TNIK: variants seen among roughly 807,000 people sequenced by gnomAD.
TNIK encodes the protein TRAF2 and NCK interacting kinase.
A neutral mutation model predicts 191.3 loss-of-function variants in TNIK; 49 were observed. The observed-to-expected ratio is 0.26, with a 90% CI of 0.20 to 0.32. The LOEUF is 0.32. TNIK is among the 10% of genes least tolerant of loss of function. TNIK has a pLI of 1.00. For missense variants in TNIK, 1,155 were observed against 1,702.3 expected (o/e 0.68, Z 5.66); for synonymous variants, 594 against 600.9 (o/e 0.99, Z 0.17).
chr3:171,330,558 G>A (rs1338672812), intron 2 of TNIK, among the ~76,000 whole-genome samples: 1 of 152,168 alleles, frequency 6.6e-6, no homozygotes, highest in African/African-American at 2.4e-5. Flanking sequence ...TAACAAAAGA[G>A]TAGGGGGTTG....
chr3:171,085,402 T>C (rs1200585839), intron 24 of TNIK, among the ~76,000 whole-genome samples, 173 bp from the exon 25 acceptor site: 2 of 152,214 alleles, frequency 1.3e-5, no homozygotes, highest in Non-Finnish European at 2.9e-5. Flanking sequence ...CTGGTATTGG[T>C]TACTCACTAG....
At chr3:171,349,038 G>A (rs1040060769) in intron 2 of TNIK, among the ~76,000 whole-genome samples, 62 of 143,660 alleles carry the variant, frequency 4.3e-4, no homozygotes, top group African/African-American at 1.4e-3. Context: ...AAAAAAAAAA[G>A]AGGTTGGTAT....
chr3:171,403,336 C>T (rs976573738), intron 1 of TNIK, among the ~76,000 whole-genome samples: 2 of 151,332 alleles, frequency 1.3e-5, no homozygotes, highest in Non-Finnish European at 2.9e-5. Context: ...GGTGAATGGC[C>T]GGGCACGGTG....
At chr3:171,345,609 A>T (rs914659193) in intron 2 of TNIK, among the ~76,000 whole-genome samples, 36 of 152,184 alleles carry the variant, frequency 2.4e-4, no homozygotes, top group African/African-American at 8.7e-4. Flanking sequence ...CTTCACCCTC[A>T]CCCTCAAGCC....
At chr3:171,090,818 G>A (rs1307697292) in intron 23 of TNIK, among the ~76,000 whole-genome samples, 2 of 152,112 alleles carry the variant, frequency 1.3e-5, no homozygotes, top group Admixed American at 1.3e-4. Flanking sequence ...CACTACAAGG[G>A]GAAATTTGTG....
intron 2 of TNIK, chr3:171,347,028 CAT>C: frequency 1.9e-6 from 2 of 1,051,708 alleles, no homozygotes; most frequent in Admixed American, 2.8e-5. Context: ...TGCAGGCGTT[CAT>C]ATGAGAGATG....
chr3:171,123,617 C>T lies in TNIK; in HGVS notation c.2099G>A (p.Gly700Glu), dbSNP rs1438536076. 1 of 1,568,322 alleles carries T rather than the reference C, an allele frequency of 6.4e-7. No homozygotes were observed. Among genetic ancestry groups the T allele is most frequent in the Non-Finnish European group, 8.7e-7 (1 of 1,154,452 alleles). The change falls in exon 18 of 33, where the codon GGA becomes GAA. Residue 700 changes from glycine to glutamate, a missense_variant. Gly to Glu is a moderately conservative substitution (Grantham distance 98). Coordinates refer to ENST00000436636, the MANE Select transcript of TNIK (RefSeq NM_015028.4). Reference protein sequence around the residue: ...GNGSALGPRLGSQPIRASNPD... With the variant: ...GNGSALGPRLESQPIRASNPD... Reference sequence around the variant, plus strand: ...TTACCTTGCTCTGATGGGTTGAGATCCTAGTCTGGGTCCCAGAGCACTACC... The same window carrying T: ...TTACCTTGCTCTGATGGGTTGAGATTCTAGTCTGGGTCCCAGAGCACTACC...
chr3:171,299,792 C>T (rs61790970), intron 2 of TNIK, among the ~76,000 whole-genome samples: 5,449 of 152,214 alleles, frequency 0.036, 140 homozygotes, highest in Non-Finnish European at 0.048. Context: ...TTTGGTAGCA[C>T]CTCTTCTTGA....
intron 2 of TNIK, among the ~76,000 whole-genome samples, chr3:171,328,348 A>T (rs779969337): frequency 2.0e-5 from 3 of 152,294 alleles, no homozygotes; most frequent in African/African-American, 7.2e-5. Context: ...CAAACCACCC[A>T]GTTCATGATA....
At chr3:171,185,870 A>G (rs1020229564) in intron 7 of TNIK, among the ~76,000 whole-genome samples, 8 of 152,240 alleles carry the variant, frequency 5.3e-5, no homozygotes, top group Admixed American at 5.2e-4. Context: ...TTTTGTGGTA[A>G]GAAATCTAAT....
intron 19 of TNIK, among the ~76,000 whole-genome samples, chr3:171,109,448 C>A (rs910503411): frequency 6.6e-6 from 1 of 152,032 alleles, no homozygotes; most frequent in Non-Finnish European, 1.5e-5. Flanking sequence ...TAGTCCATAT[C>A]CCAATCCAGA....
chr3:171,243,006 A>T (rs929583637), intron 2 of TNIK, among the ~76,000 whole-genome samples: 1 of 152,238 alleles, frequency 6.6e-6, no homozygotes, highest in Non-Finnish European at 1.5e-5. Context: ...GTAAAAATAC[A>T]TAAGTTCTAT....
intron 2 of TNIK, among the ~76,000 whole-genome samples, chr3:171,267,850 G>T (rs554234184): frequency 6.6e-6 from 1 of 152,144 alleles, no homozygotes; most frequent in Admixed American, 6.5e-5. Flanking sequence ...CAGGTTTACT[G>T]AGCTCCCACC....
intron 2 of TNIK, among the ~76,000 whole-genome samples, chr3:171,239,610 A>G (rs936525933): frequency 6.6e-6 from 1 of 152,214 alleles, no homozygotes; most frequent in Admixed American, 6.5e-5. Flanking sequence ...GGCTGAAAAT[A>G]TCTCTCCCCC....
intron 1 of TNIK, among the ~76,000 whole-genome samples, chr3:171,395,731 G>A (rs1720141920): frequency 6.6e-6 from 1 of 152,108 alleles, no homozygotes; most frequent in Admixed American, 6.5e-5. Flanking sequence ...TGTGACATAT[G>A]CGTGCAGTTC....
chr3:171,220,686 C>T (rs952568958), intron 3 of TNIK, among the ~76,000 whole-genome samples: 9 of 152,122 alleles, frequency 5.9e-5, no homozygotes, highest in Admixed American at 5.9e-4. Flanking sequence ...CCAATTTTGT[C>T]ATCTACAGGC....
intron 2 of TNIK, among the ~76,000 whole-genome samples, chr3:171,315,775 T>C (rs1463408685): frequency 6.6e-6 from 1 of 152,140 alleles, no homozygotes; most frequent in Non-Finnish European, 1.5e-5. Context: ...CCCCACTGTG[T>C]CTGTGTCTGT....
At chr3:171,319,993 C>T (rs1324086311) in intron 2 of TNIK, among the ~76,000 whole-genome samples, 1 of 152,046 alleles carries the variant, frequency 6.6e-6, no homozygotes, top group Non-Finnish European at 1.5e-5. Context: ...AGGATGACCC[C>T]GAAAGCGTAG....
intron 9 of TNIK, among the ~76,000 whole-genome samples, chr3:171,170,146 GT>G (rs1312558856): frequency 1.3e-5 from 2 of 152,086 alleles, no homozygotes; most frequent in Non-Finnish European, 2.9e-5. Context: ...ATGTAGTTCT[GT>G]CTCTTATAAA....
Sources: gnomAD v4.1 joint callset for allele counts (sites outside exome capture counted in the v4.1 genomes callset) on GRCh38, gnomAD v4.1.1 for gene constraint, MANE v1.5 for transcripts, NCBI Gene and HGNC (gene_info 2026-07-23, HGNC 2026-07-21) for gene names.